The following IGSF9 variants were observed in gnomAD, a reference collection of about 807,000 sequenced individuals.
IGSF9 encodes protein turtle homolog A.
A neutral mutation model predicts 121.7 loss-of-function variants in IGSF9; 87 were observed. The ratio of observed to expected loss-of-function variants is 0.71; its 90% CI spans 0.60 to 0.85. The LOEUF (loss-of-function observed/expected upper bound fraction) is 0.85, where lower values mean the gene tolerates loss of function less well. Ranked by LOEUF, IGSF9 falls within the 40% of genes least tolerant of loss-of-function variation. The probability of loss-of-function intolerance (pLI) is 0.00; values close to 1 mark genes in which losing one functional copy is unlikely to be tolerated. For missense variants in IGSF9, 1,462 were observed against 1,565.3 expected (o/e 0.93, Z 1.11); for synonymous variants, 640 against 648.4 (o/e 0.99, Z 0.20).
chr1:159,940,628 C>A (rs544815761), intron 3 of IGSF9, among the ~76,000 whole-genome samples: 2 of 152,358 alleles, frequency 1.3e-5, no homozygotes, highest in African/African-American at 4.8e-5. Context: ...ATGGTGCTAA[C>A]TGCGCCCAGA....
At chr1:159,934,086 G>T in intron 9 of IGSF9, 104 bp downstream of exon 9, 1 of 1,277,546 alleles carries the variant, frequency 7.8e-7, no homozygotes, top group Non-Finnish European at 1.1e-6. Flanking sequence ...AAAGATGTGT[G>T]TCCCCAGTCA....
Position 159,927,775 on chromosome 1 carries a change from C to T in IGSF9, c.3343G>A (p.Ala1115Thr). The change falls in exon 20 of 21, where the codon GCT becomes ACT. Residue 1115 changes from alanine to threonine, a missense_variant. This residue lies in a region of IGSF9 where 808 missense variants were observed against 815.2 expected (regional missense o/e 0.99). Coordinates refer to ENST00000368094, the MANE Select transcript of IGSF9 (RefSeq NM_001135050.2). ...GCTCACACACCTAGCTCTGGCTCAG[C>T]TTCAGGTCTGAGCCGGGAGCTGGCC... ...GLASSRLRPE[A>T]EPELGVKTPE... The T allele has an allele frequency of 2.0e-5, 32 of 1,613,474 alleles. No individual in the cohort carries two copies. The highest frequency in any genetic ancestry group is 2.6e-5 in the Non-Finnish European group (31 of 1,179,820).
rs2101873243 is a variant in IGSF9, at chr1:159,928,349, G to A, written c.3039C>T (p.Leu1013=). 6.2e-7 allele frequency: 1 copy of A among 1,609,778 alleles called. No homozygotes were observed. ...TLRERLLPGL[L]PAAPRGSLTS... ...TGAGGCTGCCTCGAGGGGCAGCAGG[G>A]AGAAGGCCTGGCAGCAGCCGCTCCC... Residue 1013 remains leucine (L), a synonymous_variant, in exon 19 of 21, where the codon CTC becomes CTT. Coordinates refer to ENST00000368094, the MANE Select transcript of IGSF9 (RefSeq NM_001135050.2).
rs764039098 is a variant in IGSF9 at position 159,937,802 on chromosome 1, A to G, written c.284T>C (p.Ile95Thr). ...CTGGTCTTCCACCCGGAGACCCTCA[A>G]TCTGGAGAGAGGCCCCCTTCTGCAG... ...VRLQKGASLQ[I>T]EGLRVEDQGW... Residue 95 changes from isoleucine (I) to threonine (T), a missense_variant, in exon 4 of 21, where the codon ATT becomes ACT. Around this residue, in one of 3 missense-constraint regions of IGSF9, gnomAD observed 558 missense variants for 599.4 expected, o/e 0.93. Transcript: ENST00000368094. 1.9e-5 allele frequency: 30 copies of G among 1,613,922 alleles called. No individual in the cohort carries two copies. The highest frequency in any genetic ancestry group is 2.4e-5 in the Non-Finnish European group (28 of 1,179,966).
In IGSF9 at chr1:159,942,951, G is replaced by A. The variant is rs1651440553; in HGVS notation, c.247+12C>T. On this transcript the variant is annotated intron_variant, in intron 3 of 20. Transcript: ENST00000368094. ...GATACCTCCCTACCTCCCACCTGAGGAGAACTCTTACCCACGTAATCAGGG... is the reference window on the plus strand; with the variant it reads ...GATACCTCCCTACCTCCCACCTGAGAAGAACTCTTACCCACGTAATCAGGG... 6.2e-7 allele frequency: 1 copy of A among 1,609,594 alleles called. No individual in the cohort carries two copies. Among genetic ancestry groups the A allele is most frequent in the East Asian group, 2.2e-5 (1 of 44,692 alleles).
Position 159,927,785 on chromosome 1 carries a change from G to C in IGSF9, c.3333C>G (p.Leu1111=). 6.2e-7 allele frequency: 1 copy of C among 1,613,914 alleles called. No homozygotes were observed. The highest frequency in any genetic ancestry group is 8.5e-7 in the Non-Finnish European group (1 of 1,179,960). Residue 1111 remains leucine (L), a synonymous_variant, in exon 20 of 21, where the codon CTC becomes CTG. Transcript: ENST00000368094. ...CTAGCTCTGGCTCAGCTTCAGGTCT[G>C]AGCCGGGAGCTGGCCAAGCCCAGGT... ...TLHLGLASSR[L]RPEAEPELGV...
At chr1:159,944,253 G>A (rs1412179112) in intron 1 of IGSF9, among the ~76,000 whole-genome samples, 1 of 152,076 alleles carries the variant, frequency 6.6e-6, no homozygotes, top group Admixed American at 6.5e-5. Context: ...AAAAACTCTG[G>A]AAGCTGAGGA....
In IGSF9 at chr1:159,943,439, C is replaced by T. The variant is rs141770733; in HGVS notation, c.16G>A (p.Gly6Ser). 115 of 1,586,728 alleles carry T rather than the reference C, an allele frequency of 7.2e-5. No individual in the cohort carries two copies. The East Asian group carries it at 2.3e-3, about 31-fold the overall frequency. The change falls in exon 2 of 21, where the codon GGC (glycine) becomes AGC (serine). Residue 6 changes from glycine (G) to serine (S), a missense_variant. This residue lies in a region of IGSF9 where 558 missense variants were observed against 599.4 expected (regional missense o/e 0.93). Coordinates refer to ENST00000368094, the MANE Select transcript of IGSF9 (RefSeq NM_001135050.2). MVWCL[G>S]LAVLSLVISQ... ...ATGACCAGGCTGAGGACGGCCAGGCCGAGGCACCACACCATAGCCCAGCTG... is the reference window on the plus strand; with the variant it reads ...ATGACCAGGCTGAGGACGGCCAGGCTGAGGCACCACACCATAGCCCAGCTG...
chr1:159,944,732 A>G (rs982487756), intron 1 of IGSF9, among the ~76,000 whole-genome samples: 4 of 152,106 alleles, frequency 2.6e-5, no homozygotes, highest in African/African-American at 9.7e-5. Flanking sequence ...TGAGTCCTCC[A>G]ACCCACTCTT....
chr1:159,929,644 G>T lies in IGSF9; in HGVS notation c.2320C>A (p.Arg774Ser), dbSNP rs750805567. The T allele has an allele frequency of 6.3e-7, 1 of 1,594,906 alleles. No homozygotes were observed. Among genetic ancestry groups the T allele is most frequent in the Non-Finnish European group, 8.5e-7 (1 of 1,172,050 alleles). The change falls in exon 17 of 21, where the codon CGC (arginine) becomes AGC (serine). Residue 774 changes from arginine to serine, a missense_variant. Physicochemically the swap from Arg to Ser is moderately radical, Grantham distance 110. This residue lies in a region of IGSF9 where 808 missense variants were observed against 815.2 expected (regional missense o/e 0.99). Transcript: ENST00000368094. ...RAARRRRKRL[R>S]QDPPLIFSPT... is the part of the protein sequence containing the mutation. Reference sequence around the variant, plus strand: ...TGAGGGTGGAGGGACTTACCTTGGCGGAGGCGCTTGCGGCGGCGGCGGGCA... The same window carrying T: ...TGAGGGTGGAGGGACTTACCTTGGCTGAGGCGCTTGCGGCGGCGGCGGGCA...
chr1:159,929,476 C>T, intron 17 of IGSF9, 83 bp from the exon 18 acceptor site: 1 of 1,551,576 alleles, frequency 6.4e-7, no homozygotes, highest in East Asian at 2.3e-5. Flanking sequence ...ACACCAGGCG[C>T]CCAACCCCAT....
At position 159,930,182 on chromosome 1, in the gene IGSF9, C is replaced by A. The variant is rs1411442765; in HGVS notation, c.2064+7G>T. On this transcript the variant is annotated splice_region_variant and intron_variant, in intron 15 of 20. Transcript: ENST00000368094. The stretch of plus-strand genomic sequence containing the variant: ...AGGCCTCTCTCTGTATCGCCTTTCG[C>A]ACATACCTTGATGAGGCCTGGCACC... The A allele has an allele frequency of 6.2e-7, 1 of 1,600,442 alleles. No individual in the cohort carries two copies.
rs759607924 is a variant in IGSF9, at chr1:159,931,846, T to A, written c.1328A>T (p.Gln443Leu). 6.3e-7 allele frequency: 1 copy of A among 1,593,236 alleles called. No individual in the cohort carries two copies. The highest frequency in any genetic ancestry group is 8.5e-7 in the Non-Finnish European group (1 of 1,172,004). The change falls in exon 11 of 21, where the codon CAA becomes CTA. Residue 443 changes from glutamine to leucine, a missense_variant. Around this residue, in one of 3 missense-constraint regions of IGSF9, gnomAD observed 558 missense variants for 599.4 expected, o/e 0.93. Transcript: ENST00000368094. This position sits in a 1 kb window ranked among gnomAD's most constrained non-coding sequence, Gnocchi z 4.8. Reference sequence around the variant, plus strand: ...AGAGACAACAGGAGGAGGGTCCCCTTGGGCGGAGCAGGGGATGAGCAGCTC... The same window carrying A: ...AGAGACAACAGGAGGAGGGTCCCCTAGGGCGGAGCAGGGGATGAGCAGCTC... ...GRELLIPCSA[Q>L]GDPPPVVSWT...
In IGSF9 at chr1:159,929,726, C is replaced by T. The variant is rs1369815792; in HGVS notation, c.2238G>A (p.Leu746=). The T allele has an allele frequency of 6.2e-7, 1 of 1,602,710 alleles. No individual in the cohort carries two copies. Among genetic ancestry groups the T allele is most frequent in the African/African-American group, 1.3e-5 (1 of 74,920 alleles). Residue 746 remains leucine, a synonymous_variant, in exon 17 of 21, where the codon CTG becomes CTA. Coordinates refer to ENST00000368094, the MANE Select transcript of IGSF9 (RefSeq NM_001135050.2). The stretch of plus-strand genomic sequence containing the variant: ...GGATGCTCACAAGGACGGCCACTCC[C>T]AGAAAGCAGACTCCGCCCACCACGC... ...LAGVVGGVCF[L]GVAVLVSILA...
intron 1 of IGSF9, among the ~76,000 whole-genome samples, chr1:159,944,015 G>A (rs1651502645): frequency 6.6e-6 from 1 of 152,092 alleles, no homozygotes; most frequent in African/African-American, 2.4e-5. Context: ...AGACTCTCAT[G>A]GCCTAGGCTG....
Position 159,943,433 on chromosome 1 carries a change from C to T in IGSF9, c.22G>A (p.Ala8Thr). MVWCLGL[A>T]VLSLVISQGA... is the part of the protein sequence containing the mutation. ...TGGCTGATGACCAGGCTGAGGACGG[C>T]CAGGCCGAGGCACCACACCATAGCC... is the stretch of plus-strand genomic sequence containing the variant. Residue 8 changes from alanine to threonine, a missense_variant, in exon 2 of 21, where the codon GCC (alanine) becomes ACC (threonine). By Grantham distance (58) the Ala-to-Thr change is moderately conservative. This residue lies in a region of IGSF9 where 558 missense variants were observed against 599.4 expected (regional missense o/e 0.93). Coordinates refer to ENST00000368094, the MANE Select transcript of IGSF9 (RefSeq NM_001135050.2). 6.3e-7 allele frequency: 1 copy of T among 1,587,654 alleles called. No individual in the cohort carries two copies. The highest frequency in any genetic ancestry group is 1.8e-5 in the Admixed American group (1 of 56,450).
At chr1:159,943,838 G>GA (rs1225291223) in intron 1 of IGSF9, among the ~76,000 whole-genome samples, 1 of 152,118 alleles carries the variant, frequency 6.6e-6, no homozygotes, top group East Asian at 1.9e-4. Flanking sequence ...GCAGATACTA[G>GA]AAAGGTGAGG....
Position 159,932,420 on chromosome 1 carries a change from G to GCC in IGSF9, c.1245+90_1245+91dup. ...CTTGGAAACCCCTCCCCATGTGTCT[G>GCC]CCCCACCCCACCCCCATCAGCCTGG... On this transcript the variant is annotated intron_variant, in intron 10 of 20. Transcript: ENST00000368094. This position sits in a 1 kb window ranked among gnomAD's most constrained non-coding sequence, Gnocchi z 4.1. 9.8e-7 allele frequency: 1 copy of GCC among 1,021,816 alleles called. No homozygotes were observed. 63.3% of individuals were successfully genotyped at this position (1,021,816 alleles called of 1,614,324 possible).
At chr1:159,937,988 G>A (rs1373897370) in intron 3 of IGSF9, 150 bp from the exon 4 acceptor site, 7 of 845,370 alleles carry the variant, frequency 8.3e-6, no homozygotes, top group Non-Finnish European at 1.3e-5. Context: ...AGATGAGGTT[G>A]GGGTCATTCA....
Sources: gnomAD v4.1 joint callset for allele counts (sites outside exome capture counted in the v4.1 genomes callset) on GRCh38, gnomAD v4.1.1 for gene constraint, gnomAD v4.1.1 regional missense constraint, Gnocchi (gnomAD v3.1) non-coding constraint, MANE v1.5 for transcripts, NCBI Gene and HGNC (gene_info 2026-07-23, HGNC 2026-07-21) for gene names.